SHPRH: variants seen among roughly 807,000 people sequenced by gnomAD.
SHPRH encodes SNF2 histone linker PHD RING helicase, also known as E3 ubiquitin-protein ligase SHPRH.
A neutral mutation model predicts 202.5 loss-of-function variants in SHPRH; 106 were observed. The ratio of observed to expected loss-of-function variants is 0.52; its 90% CI spans 0.45 to 0.62. The LOEUF (loss-of-function observed/expected upper bound fraction) is 0.62. Ranked by LOEUF, SHPRH falls within the 20% of genes least tolerant of loss-of-function variation. The pLI is 0.00. For missense variants in SHPRH, 1,710 were observed against 2,020.0 expected (o/e 0.85, Z 2.94); for synonymous variants, 729 against 686.0 (o/e 1.06, Z -0.98).
At chr6:145,921,427 G>C in intron 20 of SHPRH, 35 bp from the exon 21 acceptor site, 2 of 1,586,274 alleles carry the variant, frequency 1.3e-6, no homozygotes, top group Non-Finnish European at 1.7e-6. Flanking sequence ...ACAGTAACTG[G>C]TATCAGTGAG....
At chr6:145,941,964 T>C (rs1786829620) in intron 9 of SHPRH, 90 bp from the exon 10 acceptor site, 2 of 1,470,830 alleles carry the variant, frequency 1.4e-6, no homozygotes, top group Middle Eastern at 2.5e-4. Flanking sequence ...CTAAGTCCTC[T>C]CTATTTTCTT....
chr6:145,933,255 A>G, intron 13 of SHPRH, 77 bp from the exon 14 acceptor site: 1 of 1,604,994 alleles, frequency 6.2e-7, no homozygotes, highest in African/African-American at 1.3e-5. Context: ...TATATCTCAC[A>G]TGATCAAGAG....
downstream of SHPRH, among the ~76,000 whole-genome samples, chr6:145,861,629 A>G (rs1287542260): frequency 6.6e-6 from 1 of 152,224 alleles, no homozygotes; most frequent in Non-Finnish European, 1.5e-5. Flanking sequence ...AGTATCTTGA[A>G]GAGATATCCA....
At position 145,947,480 on chromosome 6, in the gene SHPRH, T is replaced by TA. The variant is rs1787513695; in HGVS notation, c.1212+12dup. The TA allele has an allele frequency of 3.1e-6, 5 of 1,611,838 alleles. No homozygotes were observed. The East Asian group carries it at 1.1e-4, about 36-fold the overall frequency. ...TGTCCCCTGCTTTTGCAAGCCCTAC[T>TA]ATACCCTCCTACCTCGGGAAGAGTG... On this transcript the variant is annotated intron_variant, in intron 6 of 29. Coordinates refer to ENST00000275233, the MANE Select transcript of SHPRH (RefSeq NM_001042683.3).
intron 2 of SHPRH, among the ~76,000 whole-genome samples, chr6:145,875,912 T>C (rs1780279619): frequency 6.6e-6 from 1 of 152,234 alleles, no homozygotes; most frequent in South Asian, 2.1e-4. Flanking sequence ...CTCATTTTCA[T>C]CTACAATTGG....
chr6:145,913,584 C>A (rs371469371), intron 23 of SHPRH, 35 bp from the exon 24 acceptor site: 16 of 1,546,668 alleles, frequency 1.0e-5, no homozygotes, highest in Admixed American at 5.6e-5. Flanking sequence ...ATATTAGTTA[C>A]GTTTTTACAT....
rs1009736654 is a variant in SHPRH at position 145,886,049 on chromosome 6, A to G, written c.*642T>C. The G allele has an allele frequency of 6.3e-6, 1 of 159,342 alleles. No individual in the cohort carries two copies. The highest frequency in any genetic ancestry group is 2.4e-5 in the African/African-American group (1 of 41,710). The allele number at this position is 159,342 out of a possible 1,614,324, so 9.9% of individuals were successfully genotyped here. ...GGAGTTAACTGTTTACACTAACACC[A>G]CTTTACACATAATAGAAATATGAAT... On this transcript the variant is annotated 3_prime_UTR_variant, in exon 30 of 30. Coordinates refer to ENST00000275233, the MANE Select transcript of SHPRH (RefSeq NM_001042683.3).
At chr6:145,961,649 CAG>C (rs1789104237) in intron 1 of SHPRH, among the ~76,000 whole-genome samples, 1 of 151,954 alleles carries the variant, frequency 6.6e-6, no homozygotes, top group Non-Finnish European at 1.5e-5. Flanking sequence ...CACATTCCTT[CAG>C]ATGTATTCTT....
rs765322346 is a variant in SHPRH at position 145,921,210 on chromosome 6, C to T, written c.3965G>A (p.Ser1322Asn). 12 of 1,612,430 alleles carry T rather than the reference C, an allele frequency of 7.4e-6. No homozygotes were observed. Among genetic ancestry groups the T allele is most frequent in the Admixed American group, 6.7e-5 (4 of 59,796 alleles). The change falls in exon 21 of 30, where the codon AGC (serine) becomes AAC (asparagine). Residue 1322 changes from serine (S) to asparagine (N), a missense_variant. By Grantham distance (46) the Ser-to-Asn change is conservative (BLOSUM62 1). Transcript: ENST00000275233. Reference protein sequence around the residue: ...RFDVEFVDEGSTSMDLFEAWK... With the variant: ...RFDVEFVDEGNTSMDLFEAWK... ...TGCTTCAAAGAGATCCATTGAAGTGCTTCCTTCATCAACAAATTCAACATC... is the reference window on the plus strand; with the variant it reads ...TGCTTCAAAGAGATCCATTGAAGTGTTTCCTTCATCAACAAATTCAACATC...
intron 3 of SHPRH, chr6:145,951,871 G>C (rs1788013692): frequency 2.2e-6 from 1 of 455,964 alleles, no homozygotes; most frequent in South Asian, 1.5e-5. Context: ...CTCTCCCAAG[G>C]TGACCAATGG....
chr6:145,922,893 C>G (rs922917449), intron 18 of SHPRH, 57 bp from the exon 19 acceptor site: 2 of 1,457,400 alleles, frequency 1.4e-6, no homozygotes, highest in African/African-American at 2.9e-5. Context: ...AGGTCAATTT[C>G]CTCAAATTCA....
At chr6:145,897,997 T>C (rs1001618179) in intron 25 of SHPRH, among the ~76,000 whole-genome samples, 1 of 151,578 alleles carries the variant, frequency 6.6e-6, no homozygotes, top group Non-Finnish European at 1.5e-5. Flanking sequence ...CAACATAGTA[T>C]TGGAAGTCTT....
At chr6:145,858,023 A>G in the SHPRH span, among the ~76,000 whole-genome samples, 1 of 152,132 alleles carries the variant, frequency 6.6e-6, no homozygotes, top group Admixed American at 6.5e-5. Flanking sequence ...TGATACCACT[A>G]TAGCCCTAGT....
chr6:145,882,533 G>C (rs968027856), downstream of SHPRH, among the ~76,000 whole-genome samples: 1 of 152,132 alleles, frequency 6.6e-6, no homozygotes, highest in Non-Finnish European at 1.5e-5. Flanking sequence ...AAACTAAAAT[G>C]CATTCCTGTT....
At chr6:145,959,341 T>C (rs1359065349) in intron 1 of SHPRH, among the ~76,000 whole-genome samples, 2 of 152,184 alleles carry the variant, frequency 1.3e-5, no homozygotes, top group African/African-American at 2.4e-5. Flanking sequence ...TTATTGTACA[T>C]TTTCTATATT....
At chr6:145,962,041 T>A (rs1482555867) in intron 1 of SHPRH, among the ~76,000 whole-genome samples, 2 of 151,958 alleles carry the variant, frequency 1.3e-5, no homozygotes, top group Non-Finnish European at 2.9e-5. Context: ...TCCTCCTTAA[T>A]TAGCAGTGTT....
In SHPRH at chr6:145,943,462, T is replaced by C. The variant is rs1293830622; in HGVS notation, c.1919A>G (p.Asp640Gly). The C allele has an allele frequency of 1.1e-5, 18 of 1,614,030 alleles. 1 individual carries two copies. The South Asian group carries it at 1.9e-4, about 17-fold the overall frequency. The stretch of plus-strand genomic sequence containing the variant: ...GGTATTAGAAGGTGGTACATCACTA[T>C]CAGCATGATTTAGAGATTCAGCACA... ...EDCAESLNHA[D>G]SDVPPSNTMS... The change falls in exon 9 of 30, where the codon GAT becomes GGT. Residue 640 changes from aspartate to glycine, a missense_variant. Physicochemically the swap from Asp to Gly is moderately conservative, Grantham distance 94. Transcript: ENST00000275233.
chr6:145,862,877 ACTT>A (rs1437704800), downstream of SHPRH, among the ~76,000 whole-genome samples: 1 of 152,232 alleles, frequency 6.6e-6, no homozygotes, highest in Admixed American at 6.5e-5. Context: ...GTATAAGGTT[ACTT>A]CTTTTTTCTG....
chr6:145,892,561 T>A (rs1000871346), intron 28 of SHPRH, among the ~76,000 whole-genome samples: 2 of 149,650 alleles, frequency 1.3e-5, no homozygotes. Flanking sequence ...TATGGATGTG[T>A]TTTTTTTTCC....
Sources: allele counts gnomAD v4.1 joint callset (sites outside exome capture counted in the v4.1 genomes callset), GRCh38; gene constraint gnomAD v4.1.1; transcripts MANE v1.5; gene names NCBI Gene and HGNC (gene_info 2026-07-23, HGNC 2026-07-21).